The following TP53BP1 variants were observed in gnomAD, a reference collection of about 807,000 sequenced individuals.
TP53BP1 encodes TP53-binding protein 1.
TP53BP1 carries 61 observed loss-of-function variants against 200.8 expected under a neutral mutation model. The observed-to-expected ratio is 0.30, with a 90% CI of 0.25 to 0.38. The LOEUF is 0.38. Ranked by LOEUF, TP53BP1 falls within the 10% of genes least tolerant of loss-of-function variation. The pLI is 1.00. For missense variants in TP53BP1, 2,144 were observed against 2,371.9 expected, an observed-to-expected ratio of 0.90 and a Z score of 2.00; for synonymous variants, 822 against 844.3, an observed-to-expected ratio of 0.97 and a Z score of 0.46.
chr15:43,458,289 G>A (rs1434969930), intron 11 of TP53BP1, among the ~76,000 whole-genome samples: 1 of 151,606 alleles, frequency 6.6e-6, no homozygotes, highest in Non-Finnish European at 1.5e-5. Flanking sequence ...AAAATTAGCC[G>A]GGCATGGTGG....
intron 16 of TP53BP1, among the ~76,000 whole-genome samples, chr15:43,435,934 G>A (rs760881148): frequency 2.0e-5 from 3 of 151,520 alleles, no homozygotes; most frequent in African/African-American, 4.9e-5. Context: ...GGCCTCAAGT[G>A]GTCACCCCTC....
intron 16 of TP53BP1, 21 bp downstream of exon 16, chr15:43,438,303 T>G (rs754205657): frequency 1.1e-5 from 17 of 1,608,006 alleles, no homozygotes; most frequent in Admixed American, 1.7e-5. Context: ...GCCCAAAAGA[T>G]TCTATAAAAA....
At position 43,420,510 on chromosome 15, in the gene TP53BP1, T is replaced by C. The variant is rs1199925354; in HGVS notation, c.4476A>G (p.Val1492=). Residue 1492 remains valine (V), a synonymous_variant, in exon 21 of 28, where the codon GTA becomes GTG. Coordinates refer to ENST00000382044, the MANE Select transcript of TP53BP1 (RefSeq NM_001141980.3). ...LDASSPGNSF[V]GLRVVAKWSS... is the part of the protein sequence containing the mutation. ...ACCACTTGGCTACAACACGGAGCCC[T>C]ACAAAGCTATTTCCTGGAGAGGAGG... is the stretch of plus-strand genomic sequence containing the variant. 6.2e-7 allele frequency: 1 copy of C among 1,614,164 alleles called. No homozygotes were observed. Among genetic ancestry groups the C allele is most frequent in the East Asian group, 2.2e-5 (1 of 44,876 alleles).
chr15:43,486,994 T>C (rs1002461042), intron 4 of TP53BP1, among the ~76,000 whole-genome samples: 2 of 151,920 alleles, frequency 1.3e-5, no homozygotes, highest in Non-Finnish European at 2.9e-5. Flanking sequence ...CTCACCAAAA[T>C]TAAAAATTGC....
rs1394086339 is a variant in TP53BP1, at chr15:43,479,504, G to A, written c.681C>T (p.Ser227=). 1.9e-6 allele frequency: 3 copies of A among 1,611,786 alleles called. No individual in the cohort carries two copies. Among genetic ancestry groups the A allele is most frequent in the Non-Finnish European group, 2.5e-6 (3 of 1,179,286 alleles). Residue 227 remains serine, a synonymous_variant, in exon 7 of 28, where the codon TCC becomes TCT. Transcript: ENST00000382044. The part of the protein sequence containing the change: ...ANTAIKHEEQ[S]NEDIPIAEQS... Reference sequence around the variant, plus strand: ...GTTCTGCTATGGGGATATCTTCGTTGGACTGTTCTTCATGCTTAATTGCTG... The same window carrying A: ...GTTCTGCTATGGGGATATCTTCGTTAGACTGTTCTTCATGCTTAATTGCTG...
In TP53BP1 at chr15:43,403,724, T is replaced by C. The variant is rs2044756334; in HGVS notation, c.*3659A>G. 1 of 1,613,324 alleles carries C rather than the reference T, an allele frequency of 6.2e-7. No individual in the cohort carries two copies. The highest frequency in any genetic ancestry group is 8.5e-7 in the Non-Finnish European group (1 of 1,179,892). ...ATGAAATCCTAGATCTCTGTCACAG[T>C]TTTTGTTCGCTGGTCAGTCAGAACC... On this transcript the variant is annotated 3_prime_UTR_variant, in exon 28 of 28. Transcript: ENST00000382044.
In TP53BP1 at chr15:43,432,515, G is replaced by A. The variant is rs745990548; in HGVS notation, c.3354C>T (p.Ser1118=). Residue 1118 remains serine (S), a synonymous_variant, in exon 17 of 28, where the codon TCC becomes TCT. Transcript: ENST00000382044. ...TCACCATTGCCTCTCCTTGAGGACT[G>A]GATGGCCCTTGTATGACCATCTTCT... ...ASQKMVIQGP[S]SPQGEAMVTD... 1.1e-5 allele frequency: 17 copies of A among 1,614,048 alleles called. No homozygotes were observed. In the South Asian group the frequency reaches 1.8e-4, roughly 17 times the overall value.
intron 15 of TP53BP1, chr15:43,441,250 T>C (rs1006408742): frequency 1.6e-5 from 5 of 309,448 alleles, no homozygotes; most frequent in African/African-American, 1.1e-4. Flanking sequence ...GAGACTCTTG[T>C]ATCAGCAACA....
At chr15:43,446,722 G>C in intron 13 of TP53BP1, 132 bp from the exon 14 acceptor site, 3 of 1,525,112 alleles carry the variant, frequency 2.0e-6, no homozygotes, top group Non-Finnish European at 2.6e-6. Context: ...TCCTAGGATA[G>C]ATCCCTGTCA....
rs1478963838 is a variant in TP53BP1 at position 43,452,419 on chromosome 15, A to G, written c.2716+3473T>C. 1.3e-5 allele frequency among the ~76,000 whole-genome samples: 2 copies of G among 151,984 alleles called. 1 individual carries two copies. Among genetic ancestry groups the G allele is most frequent in the Non-Finnish European group, 2.9e-5 (2 of 67,996 alleles). ...TGTCTCTACAAAAAATCAGCCAAGCATGCTGGTACACGCCTGTAGTCCCGG... is the reference window on the plus strand; with the variant it reads ...TGTCTCTACAAAAAATCAGCCAAGCGTGCTGGTACACGCCTGTAGTCCCGG... On this transcript the variant is annotated intron_variant, in intron 12 of 27. Transcript: ENST00000382044.
At chr15:43,424,574 C>T (rs1474741598) in intron 18 of TP53BP1, among the ~76,000 whole-genome samples, 4 of 152,204 alleles carry the variant, frequency 2.6e-5, no homozygotes, top group South Asian at 2.1e-4. Flanking sequence ...GCTCAATAAA[C>T]GCTAGTCACT....
chr15:43,456,806 T>C lies in TP53BP1; in HGVS notation c.1802A>G (p.Asp601Gly), dbSNP rs558975655. 6.2e-6 allele frequency: 10 copies of C among 1,613,996 alleles called. No homozygotes were observed. The African/African-American group carries it at 1.3e-4, about 22-fold the overall frequency. ...GCAACCAGTGGCTAAAATACTAATG[T>C]CATCCCTGGTGTCTGTATCATCTCC... ...TKGDDTDTRD[D>G]ISILATGCKG... The change falls in exon 12 of 28, where the codon GAC becomes GGC. Residue 601 changes from aspartate (D) to glycine (G), a missense_variant. Physicochemically the swap from Asp to Gly is moderately conservative, Grantham distance 94. This residue lies in a region of TP53BP1 where 1,700 missense variants were observed against 1,710.3 expected (regional missense o/e 0.99). Transcript: ENST00000382044.
intron 27 of TP53BP1, 85 bp from the exon 28 acceptor site, chr15:43,407,655 C>T (rs1307152791): frequency 7.6e-7 from 1 of 1,313,996 alleles, no homozygotes; most frequent in Non-Finnish European, 1.0e-6. Flanking sequence ...CTAACCAATA[C>T]ATCCCACTCT....
intron 10 of TP53BP1, among the ~76,000 whole-genome samples, chr15:43,473,695 T>C (rs2046782357): frequency 6.6e-6 from 1 of 152,110 alleles, no homozygotes; most frequent in Non-Finnish European, 1.5e-5. Flanking sequence ...TGCTGACTGG[T>C]GTGTTTACAA....
chr15:43,417,911 G>A (rs2045304812), intron 21 of TP53BP1, among the ~76,000 whole-genome samples: 1 of 152,200 alleles, frequency 6.6e-6, no homozygotes, highest in African/African-American at 2.4e-5. Flanking sequence ...CGGGAGCAGT[G>A]GCTCACTACT....
intron 12 of TP53BP1, 102 bp downstream of exon 12, chr15:43,455,788 CCA>C: frequency 7.4e-7 from 1 of 1,352,742 alleles, no homozygotes; most frequent in East Asian, 2.4e-5. Flanking sequence ...TAAACATAAA[CCA>C]AAGATAGTGT....
chr15:43,464,414 A>C (rs1220724553), intron 11 of TP53BP1, among the ~76,000 whole-genome samples: 1 of 152,246 alleles, frequency 6.6e-6, no homozygotes, highest in Non-Finnish European at 1.5e-5. Context: ...AAGAATTAAA[A>C]GATGGTTGAA....
At chr15:43,455,864 G>A in intron 12 of TP53BP1, 28 bp downstream of exon 12, 1 of 1,608,830 alleles carries the variant, frequency 6.2e-7, no homozygotes. Flanking sequence ...TTTAGGTGGA[G>A]ACAAGAATAA....
At chr15:43,427,968 AAAAAAG>A in intron 18 of TP53BP1, 42 bp downstream of exon 18, 8 of 1,420,020 alleles carry the variant, frequency 5.6e-6, no homozygotes, top group South Asian at 4.2e-5. Flanking sequence ...AAAAAAAAAA[AAAAAAG>A]AAAGAAAGAA....
Sources: allele counts gnomAD v4.1 joint callset (sites outside exome capture counted in the v4.1 genomes callset), GRCh38; gene constraint gnomAD v4.1.1; regional missense constraint gnomAD v4.1.1; transcripts MANE v1.5; gene names NCBI Gene and HGNC (gene_info 2026-07-23, HGNC 2026-07-21).